Variants in EIF2AK4 observed in about 807,000 individuals in gnomAD.
EIF2AK4 encodes eukaryotic translation initiation factor 2 alpha kinase 4.
In EIF2AK4, 139 loss-of-function variants were observed where a neutral mutation model predicts 211.1. That is an observed-to-expected ratio of 0.66 (90% CI 0.57 to 0.76). The LOEUF is 0.76. Among genes scored for constraint, EIF2AK4 ranks in the 30% least tolerant of loss-of-function variants. The probability of loss-of-function intolerance (pLI) is 0.00; values close to 1 mark genes in which losing one functional copy is unlikely to be tolerated. For synonymous variants in EIF2AK4, 710 were observed against 751.3 expected (o/e 0.94, Z 0.90); for missense variants, 1,664 against 2,043.8 (o/e 0.81, Z 3.58).
intron 29 of EIF2AK4, 89 bp downstream of exon 29, chr15:40,017,331 AT>A (rs2035316418): frequency 6.8e-7 from 1 of 1,464,382 alleles, no homozygotes. Flanking sequence ...AACACCAAAA[AT>A]TTGAACCAGT....
Position 40,022,517 on chromosome 15 carries a change from A to G in EIF2AK4, c.4303-2A>G. The stretch of plus-strand genomic sequence containing the variant: ...TTTCTTTACTATGTTTGTTTGTTTC[A>G]GTCCCAAGAGGAATTACAAGAGTAC... On this transcript the variant is annotated splice_acceptor_variant, in intron 31 of 38. Coordinates refer to ENST00000263791, the MANE Select transcript of EIF2AK4 (RefSeq NM_001013703.4). LOFTEE classifies it high-confidence loss of function. 1 of 1,613,262 alleles carries G rather than the reference A, an allele frequency of 6.2e-7. No individual in the cohort carries two copies. The highest frequency in any genetic ancestry group is 1.1e-5 in the South Asian group (1 of 90,936).
intron 21 of EIF2AK4, among the ~76,000 whole-genome samples, chr15:40,001,439 T>A (rs192223526): frequency 9.5e-4 from 145 of 152,062 alleles, no homozygotes; most frequent in Non-Finnish European, 1.6e-3. Context: ...CCTTTCCTCC[T>A]CCCTACCCAC....
chr15:39,992,024 TA>T, intron 16 of EIF2AK4, 150 bp from the exon 17 acceptor site: 2 of 707,348 alleles, frequency 2.8e-6, no homozygotes, highest in East Asian at 2.8e-5. Flanking sequence ...GTGGGTTAAC[TA>T]AACTAGAAAA....
rs75442463 is a variant in EIF2AK4 at position 39,942,956 on chromosome 15, A to G, written c.258-427A>G. On this transcript the variant is annotated intron_variant, in intron 2 of 38. Transcript: ENST00000263791. ...GGTTAATTCTCATTGGCTGCAAGCT[A>G]GGGTAGAGAATTACCATACAAAGGA... 4.4e-3 allele frequency among the ~76,000 whole-genome samples: 667 copies of G among 152,164 alleles called. 6 individuals are homozygous for G. The highest frequency in any genetic ancestry group is 0.015 in the African/African-American group (639 of 41,500).
Position 39,976,805 on chromosome 15 carries a change from A to G in EIF2AK4, c.2210A>G (p.Asp737Gly). 6.4e-7 allele frequency: 1 copy of G among 1,572,678 alleles called. No individual in the cohort carries two copies. The highest frequency in any genetic ancestry group is 8.6e-7 in the Non-Finnish European group (1 of 1,161,630). Residue 737 changes from aspartate (D) to glycine (G), a missense_variant, in exon 12 of 39, where the codon GAC becomes GGC. Asp to Gly is a moderately conservative substitution (Grantham distance 94, BLOSUM62 -1). Coordinates refer to ENST00000263791, the MANE Select transcript of EIF2AK4 (RefSeq NM_001013703.4). ...GGCTCCAGCGATGACGAGGACGACGACGAGGACGAGCACGGTGGCGTCTTC... is the reference window on the plus strand; with the variant it reads ...GGCTCCAGCGATGACGAGGACGACGGCGAGGACGAGCACGGTGGCGTCTTC... ...GPGSSDDEDD[D>G]EDEHGGVFSQ...
At chr15:39,956,466 TAAGGAGTGCCTGAA>T (rs1004298744) in intron 6 of EIF2AK4, among the ~76,000 whole-genome samples, 5 of 152,216 alleles carry the variant, frequency 3.3e-5, no homozygotes, top group African/African-American at 1.2e-4. Context: ...ACCACAGTTG[TAAGGAGTGCCTGAA>T]AATGAGCACA....
At chr15:39,947,267 T>G (rs534874791) in intron 3 of EIF2AK4, among the ~76,000 whole-genome samples, 1 of 152,312 alleles carries the variant, frequency 6.6e-6, no homozygotes, top group African/African-American at 2.4e-5. Context: ...TATAATTAGG[T>G]ACTAAAGCAT....
At chr15:39,938,575 C>G (rs1040351912) in intron 1 of EIF2AK4, among the ~76,000 whole-genome samples, 1 of 152,094 alleles carries the variant, frequency 6.6e-6, no homozygotes, top group Non-Finnish European at 1.5e-5. Context: ...TTTGCCCTGC[C>G]TGCCAGGACA....
intron 7 of EIF2AK4, among the ~76,000 whole-genome samples, chr15:39,963,222 A>G (rs1362699980): frequency 6.6e-6 from 1 of 152,222 alleles, no homozygotes; most frequent in Non-Finnish European, 1.5e-5. Context: ...AGACATTGGT[A>G]GTGGTGGTTG....
At position 40,027,044 on chromosome 15, in the gene EIF2AK4, T is replaced by C. The variant is rs1265506400; in HGVS notation, c.4502+955T>C. Among the ~76,000 whole-genome samples, 6 of 152,190 alleles carry C rather than the reference T, an allele frequency of 3.9e-5. No homozygotes were observed. In the East Asian group the frequency reaches 1.2e-3, roughly 29 times the overall value. ...AGTTATATCTATAAATATTAAAACA[T>C]AAACATTTTAAATATGTTTATTCAT... On this transcript the variant is annotated intron_variant, in intron 33 of 38. Transcript: ENST00000263791.
In EIF2AK4 at chr15:39,951,275, C is replaced by T. The variant is rs1205230039; in HGVS notation, c.513+2007C>T. ...ATGTGACCTCAGCTCACTGCAACCT[C>T]TGCCTCCCGGGTTCAATTGATTCTC... On this transcript the variant is annotated intron_variant, in intron 4 of 38. Coordinates refer to ENST00000263791, the MANE Select transcript of EIF2AK4 (RefSeq NM_001013703.4). 1.9e-5 allele frequency: 3 copies of T among 161,966 alleles called. No individual in the cohort carries two copies. The East Asian group carries it at 5.6e-4, about 31-fold the overall frequency. 10.0% of individuals were successfully genotyped at this position (161,966 alleles called of 1,614,324 possible). A position where few individuals can be genotyped will look rare whatever the true frequency, so the allele number is the denominator to read the frequency against.
At chr15:39,986,707 T>G (rs1452295377) in intron 14 of EIF2AK4, among the ~76,000 whole-genome samples, 1 of 152,104 alleles carries the variant, frequency 6.6e-6, no homozygotes, top group Non-Finnish European at 1.5e-5. Flanking sequence ...TACAAAAAAT[T>G]AGCCAGGCAT....
At chr15:39,971,072 G>T (rs1405595209) in intron 9 of EIF2AK4, among the ~76,000 whole-genome samples, 1 of 152,208 alleles carries the variant, frequency 6.6e-6, no homozygotes, top group Non-Finnish European at 1.5e-5. Flanking sequence ...GTGCTACCAA[G>T]TCGTACTACT....
intron 37 of EIF2AK4, 134 bp downstream of exon 37, chr15:40,032,935 T>C: frequency 1.5e-6 from 1 of 676,710 alleles, no homozygotes; most frequent in Non-Finnish European, 2.4e-6. Context: ...AGTAACATTT[T>C]TCCTTTTATG....
chr15:40,025,630 C>A (rs574500283), intron 32 of EIF2AK4, among the ~76,000 whole-genome samples: 5 of 151,984 alleles, frequency 3.3e-5, no homozygotes, highest in African/African-American at 4.8e-5. Flanking sequence ...GAAATGAGAG[C>A]CCATTCATCT....
chr15:40,030,331 A>G (rs774043164), intron 34 of EIF2AK4, 28 bp from the exon 35 acceptor site: 3 of 1,609,706 alleles, frequency 1.9e-6, no homozygotes, highest in Non-Finnish European at 1.7e-6. Context: ...AGATAAGGCC[A>G]TAAATTCTGA....
rs2035109917 is a variant in EIF2AK4, at chr15:40,002,763, C to A, written c.3210C>A (p.Thr1070=). Residue 1070 remains threonine (T), a synonymous_variant, in exon 22 of 39, where the codon ACC becomes ACA. Coordinates refer to ENST00000263791, the MANE Select transcript of EIF2AK4 (RefSeq NM_001013703.4). ...TAKMQQHVCE[T]IIRIFKRHGA... The stretch of plus-strand genomic sequence containing the variant: ...AGATGCAGCAGCATGTGTGTGAAAC[C>A]ATCATCCGCATCTTTAAAAGACATG... The A allele has an allele frequency of 6.2e-7, 1 of 1,614,152 alleles. No homozygotes were observed. Among genetic ancestry groups the A allele is most frequent in the Non-Finnish European group, 8.5e-7 (1 of 1,180,030 alleles).
At chr15:39,967,182 C>G (rs1424955763) in intron 8 of EIF2AK4, among the ~76,000 whole-genome samples, 162 bp from the exon 9 acceptor site, 1 of 151,954 alleles carries the variant, frequency 6.6e-6, no homozygotes, top group African/African-American at 2.4e-5. Flanking sequence ...ATTTGTTCTC[C>G]TCTCATTTGA....
chr15:40,011,392 G>A (rs780628107), intron 27 of EIF2AK4, 46 bp downstream of exon 27: 3 of 1,509,992 alleles, frequency 2.0e-6, no homozygotes, highest in Non-Finnish European at 1.8e-6. Flanking sequence ...CTGTAATTTT[G>A]TGATACCAGA....
Sources: gnomAD v4.1 joint callset for allele counts (sites outside exome capture counted in the v4.1 genomes callset) on GRCh38, gnomAD v4.1.1 for gene constraint, MANE v1.5 for transcripts, NCBI Gene and HGNC (gene_info 2026-07-23, HGNC 2026-07-21) for gene names.